The following KCNQ1OT1 variants were observed in gnomAD, a reference collection of about 807,000 sequenced individuals.
KCNQ1OT1 encodes KCNQ1 antisense RNA 2 (non-protein coding).
At chr11:2,696,626 GTTGAAC>G in exon 1 of KCNQ1OT1, 1 of 398,664 alleles carries the variant, frequency 2.5e-6, no homozygotes, top group Middle Eastern at 6.3e-4. Context: ...GTGGAGTCCT[GTTGAAC>G]TTAACAGATT....
chr11:2,691,838 C>G lies in KCNQ1OT1; in HGVS notation n.8157G>C. The G allele has an allele frequency of 2.5e-6, 1 of 398,702 alleles. No homozygotes were observed. Among genetic ancestry groups the G allele is most frequent in the Non-Finnish European group, 4.4e-6 (1 of 226,110 alleles). The allele number at this position is 398,702 out of a possible 1,614,324, so 24.7% of individuals were successfully genotyped here. On this transcript the variant is annotated non_coding_transcript_exon_variant, in exon 1 of 1. Coordinates refer to ENST00000597346, the Ensembl canonical transcript of KCNQ1OT1. This position sits in a 1 kb window ranked among gnomAD's most constrained non-coding sequence, Gnocchi z 6.4. ...GATCCAATGTGACCTCTGCCAGGACCATGACCCCTAGGTCCTCTTTTCCAT... is the reference window on the plus strand; with the variant it reads ...GATCCAATGTGACCTCTGCCAGGACGATGACCCCTAGGTCCTCTTTTCCAT...
rs952164323 is a variant in KCNQ1OT1 at position 2,627,824 on chromosome 11, C to T, written n.72171G>A. The T allele has an allele frequency of 3.0e-5, 12 of 398,408 alleles. No individual in the cohort carries two copies. The highest frequency in any genetic ancestry group is 2.5e-4 in the East Asian group (7 of 28,072). 24.7% of individuals were successfully genotyped at this position (398,408 alleles called of 1,614,324 possible). On this transcript the variant is annotated non_coding_transcript_exon_variant, in exon 1 of 1. Coordinates refer to ENST00000597346, the Ensembl canonical transcript of KCNQ1OT1. This position sits in a 1 kb window ranked among gnomAD's most constrained non-coding sequence, Gnocchi z 4.9. Reference sequence around the variant, plus strand: ...GGAGTACAGTGGCACAATCACAGTTCACTGTAGCCTCAACCTCATGGGCTC... The same window carrying T: ...GGAGTACAGTGGCACAATCACAGTTTACTGTAGCCTCAACCTCATGGGCTC...
rs1849179302 is a variant in KCNQ1OT1 at position 2,621,947 on chromosome 11, G to C, written n.78048C>G. The C allele has an allele frequency of 2.5e-6, 1 of 397,974 alleles. No individual in the cohort carries two copies. The highest frequency in any genetic ancestry group is 2.1e-5 in the African/African-American group (1 of 48,496). 24.7% of individuals were successfully genotyped at this position (397,974 alleles called of 1,614,324 possible). ...TTTGTTCTTCTTTTTCTAATTCCTT[G>C]AGGTACAATTTTGGGCTATTTGAAA... On this transcript the variant is annotated non_coding_transcript_exon_variant, in exon 1 of 1. Transcript: ENST00000597346. The surrounding 1 kb of genome is among the most constrained non-coding windows in gnomAD (Gnocchi z 5.7).
chr11:2,652,901 C>G lies in KCNQ1OT1; in HGVS notation n.47094G>C. The stretch of plus-strand genomic sequence containing the variant: ...TGTTTGGGGTGTGGGGTGTGGTCCT[C>G]AGTATCCTAAACTTAGGTTTTGGAA... On this transcript the variant is annotated non_coding_transcript_exon_variant, in exon 1 of 1. Transcript: ENST00000597346. This position sits in a 1 kb window ranked among gnomAD's most constrained non-coding sequence, Gnocchi z 5.9. The G allele has an allele frequency of 2.5e-6, 1 of 398,646 alleles. No individual in the cohort carries two copies. Among genetic ancestry groups the G allele is most frequent in the Non-Finnish European group, 4.4e-6 (1 of 226,090 alleles). The allele number at this position is 398,646 out of a possible 1,614,324, so 24.7% of individuals were successfully genotyped here. A position where few individuals can be genotyped will look rare whatever the true frequency, so the allele number is the denominator to read the frequency against.
chr11:2,692,790 T>G, exon 1 of KCNQ1OT1: 1 of 398,662 alleles, frequency 2.5e-6, no homozygotes, highest in Non-Finnish European at 4.4e-6. Context: ...TGACAAATAT[T>G]TCTTGAATGA....
chr11:2,617,909 C>A lies in KCNQ1OT1; in HGVS notation n.82086G>T. The A allele has an allele frequency of 2.5e-6, 1 of 398,508 alleles. No individual in the cohort carries two copies. The allele number at this position is 398,508 out of a possible 1,614,324, so 24.7% of individuals were successfully genotyped here. A position where few individuals can be genotyped will look rare whatever the true frequency, so the allele number is the denominator to read the frequency against. On this transcript the variant is annotated non_coding_transcript_exon_variant, in exon 1 of 1. Transcript: ENST00000597346. This position sits in a 1 kb window ranked among gnomAD's most constrained non-coding sequence, Gnocchi z 4.6. ...TATTTTCTTGTTATTGAGTTGTATGCATTCCTTATAAATTTTGGATATTAT... is the reference window on the plus strand; with the variant it reads ...TATTTTCTTGTTATTGAGTTGTATGAATTCCTTATAAATTTTGGATATTAT...
Position 2,642,978 on chromosome 11 carries a change from C to G in KCNQ1OT1, n.57017G>C, listed in dbSNP as rs2133832039. The stretch of plus-strand genomic sequence containing the variant: ...TATTTATACAGTTTTGAATGCTCCT[C>G]TTATTTATTTATAGTTTTATGCTAT... On this transcript the variant is annotated non_coding_transcript_exon_variant, in exon 1 of 1. Coordinates refer to ENST00000597346, the Ensembl canonical transcript of KCNQ1OT1. The surrounding 1 kb of genome is among the most constrained non-coding windows in gnomAD (Gnocchi z 4.3). 2.5e-6 allele frequency: 1 copy of G among 397,824 alleles called. No individual in the cohort carries two copies. Among genetic ancestry groups the G allele is most frequent in the South Asian group, 1.3e-4 (1 of 7,840 alleles). The allele number at this position is 397,824 out of a possible 1,614,324, so 24.6% of individuals were successfully genotyped here.
Position 2,659,084 on chromosome 11 carries a change from C to T in KCNQ1OT1, n.40911G>A, listed in dbSNP as rs946515734. On this transcript the variant is annotated non_coding_transcript_exon_variant, in exon 1 of 1. Coordinates refer to ENST00000597346, the Ensembl canonical transcript of KCNQ1OT1. This position sits in a 1 kb window ranked among gnomAD's most constrained non-coding sequence, Gnocchi z 4.3. ...ACGCTCATCATAGTCTGCTTTTCAT[C>T]GTAGGGTCCTCCAACATCCGGGTTA... The T allele has an allele frequency of 2.5e-6, 1 of 398,604 alleles. No homozygotes were observed. The highest frequency in any genetic ancestry group is 4.4e-6 in the Non-Finnish European group (1 of 226,036). 24.7% of individuals were successfully genotyped at this position (398,604 alleles called of 1,614,324 possible). A position where few individuals can be genotyped will look rare whatever the true frequency, so the allele number is the denominator to read the frequency against.
In KCNQ1OT1 at chr11:2,679,178, A is replaced by C; in HGVS notation, n.20817T>G. 2.5e-6 allele frequency: 1 copy of C among 398,614 alleles called. No individual in the cohort carries two copies. The highest frequency in any genetic ancestry group is 3.6e-5 in the East Asian group (1 of 28,062). 24.7% of individuals were successfully genotyped at this position (398,614 alleles called of 1,614,324 possible). On this transcript the variant is annotated non_coding_transcript_exon_variant, in exon 1 of 1. Transcript: ENST00000597346. This position sits in a 1 kb window ranked among gnomAD's most constrained non-coding sequence, Gnocchi z 4.8. ...AGCAGCGACTCAGTTTCCATGTCTG[A>C]GTTAGGCCACCTGTAACAATGCAGC...
At chr11:2,694,630 TTCA>T (rs761336482) in exon 1 of KCNQ1OT1, 14 of 398,588 alleles carry the variant, frequency 3.5e-5, no homozygotes, top group South Asian at 1.3e-4. Flanking sequence ...AATGAAACCA[TTCA>T]ACAGAAATCT....
chr11:2,612,689 T>C lies in KCNQ1OT1; in HGVS notation n.87306A>G. On this transcript the variant is annotated non_coding_transcript_exon_variant, in exon 1 of 1. Transcript: ENST00000597346. This position sits in a 1 kb window ranked among gnomAD's most constrained non-coding sequence, Gnocchi z 5.5. ...GTTTCTTTTGGTTCTTTGAACATAGTTATAATACTTACTTTGAAATCGCGC... is the reference window on the plus strand; with the variant it reads ...GTTTCTTTTGGTTCTTTGAACATAGCTATAATACTTACTTTGAAATCGCGC... The C allele has an allele frequency of 5.0e-6, 2 of 398,592 alleles. No homozygotes were observed. The highest frequency in any genetic ancestry group is 1.3e-4 in the South Asian group (1 of 7,858). 24.7% of individuals were successfully genotyped at this position (398,592 alleles called of 1,614,324 possible). A position where few individuals can be genotyped will look rare whatever the true frequency, so the allele number is the denominator to read the frequency against.
In KCNQ1OT1 at chr11:2,619,419, A is replaced by G. The variant is rs140921583; in HGVS notation, n.80576T>C. ...TTCATCAAATACTTTTTGTGTGTCA[A>G]TTGAGATGATCATGTGGTTTTCATC... On this transcript the variant is annotated non_coding_transcript_exon_variant, in exon 1 of 1. Coordinates refer to ENST00000597346, the Ensembl canonical transcript of KCNQ1OT1. The G allele has an allele frequency of 7.2e-4, 287 of 398,586 alleles. 2 individuals carry two copies. Among genetic ancestry groups the G allele is most frequent in the African/African-American group, 5.4e-3 (263 of 48,756 alleles). The allele number at this position is 398,586 out of a possible 1,614,324, so 24.7% of individuals were successfully genotyped here.
At chr11:2,685,889 G>T in exon 1 of KCNQ1OT1, 1 of 398,716 alleles carries the variant, frequency 2.5e-6, no homozygotes, top group South Asian at 1.3e-4. Flanking sequence ...GACTAGGGAA[G>T]AACTTGTTCT....
rs373343359 is a variant in KCNQ1OT1 at position 2,642,158 on chromosome 11, G to T, written n.57837C>A. ...GATTTTTTCTATTTCCATGAAAAAT[G>T]GCATTGGTATTTTGAGAGAGACTGC... On this transcript the variant is annotated non_coding_transcript_exon_variant, in exon 1 of 1. Transcript: ENST00000597346. The surrounding 1 kb of genome is among the most constrained non-coding windows in gnomAD (Gnocchi z 4.3). 7 of 398,414 alleles carry T rather than the reference G, an allele frequency of 1.8e-5. No homozygotes were observed. Among genetic ancestry groups the T allele is most frequent in the South Asian group, 2.5e-4 (2 of 7,852 alleles). 24.7% of individuals were successfully genotyped at this position (398,414 alleles called of 1,614,324 possible). A position where few individuals can be genotyped will look rare whatever the true frequency, so the allele number is the denominator to read the frequency against.
chr11:2,674,998 C>A lies in KCNQ1OT1; in HGVS notation n.24997G>T, dbSNP rs963200899. The A allele has an allele frequency of 2.5e-6, 1 of 398,472 alleles. No individual in the cohort carries two copies. The highest frequency in any genetic ancestry group is 3.6e-5 in the East Asian group (1 of 28,082). 24.7% of individuals were successfully genotyped at this position (398,472 alleles called of 1,614,324 possible). A position where few individuals can be genotyped will look rare whatever the true frequency, so the allele number is the denominator to read the frequency against. ...CCTCTTACAGTGGCGGGCACTCAGC[C>A]GGCTTCTTCCCGCCTGACTTCTCTG... On this transcript the variant is annotated non_coding_transcript_exon_variant, in exon 1 of 1. Transcript: ENST00000597346. The surrounding 1 kb of genome is among the most constrained non-coding windows in gnomAD (Gnocchi z 5.9).
At chr11:2,618,056 G>GT in exon 1 of KCNQ1OT1, 1 of 398,402 alleles carries the variant, frequency 2.5e-6, no homozygotes, top group East Asian at 3.6e-5. Context: ...CCAATTATTT[G>GT]TTTTTGTAGC....
exon 1 of KCNQ1OT1, chr11:2,696,135 C>T: frequency 2.5e-6 from 1 of 398,518 alleles, no homozygotes; most frequent in East Asian, 3.6e-5. Context: ...CAAGTTCATA[C>T]ATTTTAGTCT....
Position 2,657,236 on chromosome 11 carries a change from T to C in KCNQ1OT1, n.42759A>G, listed in dbSNP as rs1260706630. 3 of 398,556 alleles carry C rather than the reference T, an allele frequency of 7.5e-6. No individual in the cohort carries two copies. The highest frequency in any genetic ancestry group is 8.8e-6 in the Non-Finnish European group (2 of 226,082). The allele number at this position is 398,556 out of a possible 1,614,324, so 24.7% of individuals were successfully genotyped here. A position where few individuals can be genotyped will look rare whatever the true frequency, so the allele number is the denominator to read the frequency against. ...CTTCCAAGTCGCAGTTAGAATCAGC[T>C]TGCCAAAGTTCTCACACAGAAGCCT... On this transcript the variant is annotated non_coding_transcript_exon_variant, in exon 1 of 1. Coordinates refer to ENST00000597346, the Ensembl canonical transcript of KCNQ1OT1. This position sits in a 1 kb window ranked among gnomAD's most constrained non-coding sequence, Gnocchi z 4.8.
In KCNQ1OT1 at chr11:2,682,622, T is replaced by C. The variant is rs1850418199; in HGVS notation, n.17373A>G. On this transcript the variant is annotated non_coding_transcript_exon_variant, in exon 1 of 1. Transcript: ENST00000597346. The surrounding 1 kb of genome is among the most constrained non-coding windows in gnomAD (Gnocchi z 5.8). ...AGAGTGTAAGGCTTGAGAGCTCTTC[T>C]TCAGGCTCAGTCATCCCTGCTTCCC... 5.0e-6 allele frequency: 2 copies of C among 398,450 alleles called. No homozygotes were observed. The highest frequency in any genetic ancestry group is 4.1e-5 in the African/African-American group (2 of 48,602). 24.7% of individuals were successfully genotyped at this position (398,450 alleles called of 1,614,324 possible). A position where few individuals can be genotyped will look rare whatever the true frequency, so the allele number is the denominator to read the frequency against.
Sources: gnomAD v4.1 joint callset for allele counts on GRCh38, gnomAD v4.1.1 for gene constraint, Gnocchi (gnomAD v3.1) non-coding constraint, MANE v1.5 for transcripts, NCBI Gene and HGNC (gene_info 2026-07-23, HGNC 2026-07-21) for gene names.